CD63: variants seen among roughly 807,000 people sequenced by gnomAD.
The protein encoded by CD63 is CD63 molecule.
CD63 carries 16 observed loss-of-function variants against 29.2 expected under a neutral mutation model. That is an observed-to-expected ratio of 0.55 (90% CI 0.37 to 0.83). CD63 has a LOEUF of 0.83. Among genes scored for constraint, CD63 ranks in the 40% least tolerant of loss-of-function variants. The pLI is 0.00. For synonymous variants in CD63, 118 were observed against 111.7 expected, an observed-to-expected ratio of 1.06 and a Z score of -0.36; for missense variants, 251 against 297.3, an observed-to-expected ratio of 0.84 and a Z score of 1.15.
chr12:55,726,048 C>T (rs1215046258), intron 6 of CD63, 73 bp downstream of exon 6: 2 of 1,567,732 alleles, frequency 1.3e-6, no homozygotes, highest in Non-Finnish European at 1.8e-6. Context: ...CCCTGTCCAC[C>T]TCCATCCTGG....
rs375556759 is a variant in CD63 at position 55,726,264 on chromosome 12, G to A, written c.427-3C>T. 3.7e-6 allele frequency: 6 copies of A among 1,612,732 alleles called. No individual in the cohort carries two copies. The highest frequency in any genetic ancestry group is 1.7e-4 in the Middle Eastern group (1 of 6,044). ...TTAGCAGCCCCACAGCACTTAAACT[G>A]GGGGAGGGAAGAAATATGGAGAAGA... On this transcript the variant is annotated splice_region_variant and splice_polypyrimidine_tract_variant and intron_variant, in intron 5 of 7. Coordinates refer to ENST00000257857, the MANE Select transcript of CD63 (RefSeq NM_001780.6).
downstream of CD63, chr12:55,723,595 T>C (rs1877028849): frequency 2.4e-6 from 1 of 416,264 alleles, no homozygotes; most frequent in Non-Finnish European, 4.5e-6. Flanking sequence ...GTTATATAAG[T>C]ACCTGATAAT....
At position 55,728,009 on chromosome 12, in the gene CD63, T is replaced by A; in HGVS notation, c.66+267A>T. On this transcript the variant is annotated intron_variant, in intron 2 of 7. Coordinates refer to ENST00000257857, the MANE Select transcript of CD63 (RefSeq NM_001780.6). This position sits in a 1 kb window ranked among gnomAD's most constrained non-coding sequence, Gnocchi z 4.8. ...TGGCTGGTTGCCCCACTGCCCCATA[T>A]CACAAGTGGTTGGGTCACCAGACAG... 1.0e-6 allele frequency: 1 copy of A among 977,094 alleles called. No individual in the cohort carries two copies. Among genetic ancestry groups the A allele is most frequent in the African/African-American group, 1.7e-5 (1 of 59,424 alleles). The allele number at this position is 977,094 out of a possible 1,614,324, so 60.5% of individuals were successfully genotyped here. A position where few individuals can be genotyped will look rare whatever the true frequency, so the allele number is the denominator to read the frequency against.
downstream of CD63, chr12:55,724,490 TG>T: frequency 6.2e-7 from 1 of 1,613,666 alleles, no homozygotes; most frequent in Non-Finnish European, 8.5e-7. Flanking sequence ...CCAGCCAGCC[TG>T]GTGGATGCTG....
chr12:55,725,176 C>T, downstream of CD63: 1 of 296,788 alleles, frequency 3.4e-6, no homozygotes, highest in Non-Finnish European at 6.5e-6. Flanking sequence ...GGGGGCTGGG[C>T]TCTCGCAGGT....
At chr12:55,723,845 T>C (rs765374835), downstream of CD63, 8 of 1,608,958 alleles carry the variant, frequency 5.0e-6, no homozygotes, top group East Asian at 2.2e-5. Context: ...CCCCTCCCTA[T>C]AGGGCAAGAA....
At chr12:55,729,235 C>T, upstream of CD63, 1 of 782,468 alleles carries the variant, frequency 1.3e-6, no homozygotes, top group African/African-American at 1.9e-5. Context: ...GGGAAAGCCG[C>T]AAGGGCAAGA....
At chr12:55,725,969 C>T in intron 6 of CD63, 73 bp from the exon 7 acceptor site, 3 of 1,367,706 alleles carry the variant, frequency 2.2e-6, no homozygotes, top group South Asian at 2.4e-5. Context: ...CTTGGTCCAT[C>T]AGTCTCTTCC....
downstream of CD63, chr12:55,724,703 GA>G (rs1877124106): frequency 2.6e-6 from 2 of 763,988 alleles, no homozygotes; most frequent in African/African-American, 3.4e-5. Context: ...GTGCCCAGTG[GA>G]AGGCTGACCC....
intron 5 of CD63, 38 bp downstream of exon 5, chr12:55,726,662 C>T: frequency 6.6e-7 from 1 of 1,503,994 alleles, no homozygotes; most frequent in Non-Finnish European, 9.3e-7. Flanking sequence ...TGAGAATTCT[C>T]TATTCCCACC....
At chr12:55,724,236 G>A, downstream of CD63, 4 of 1,528,448 alleles carry the variant, frequency 2.6e-6, no homozygotes, top group Non-Finnish European at 3.6e-6. Context: ...GACTGAGGGT[G>A]ACAAGCCCAG....
At chr12:55,726,330 A>AATT in intron 5 of CD63, 69 bp from the exon 6 acceptor site, 2 of 654,466 alleles carry the variant, frequency 3.1e-6, no homozygotes, top group Non-Finnish European at 5.0e-6. Flanking sequence ...TGGAGATGAG[A>AATT]ATTCTTTTTT....
At chr12:55,727,985 G>A in intron 2 of CD63, 1 of 1,177,054 alleles carries the variant, frequency 8.5e-7, no homozygotes, top group Non-Finnish European at 1.1e-6. Context: ...TCAGGCGGTT[G>A]GCTGGTTGCC....
chr12:55,727,594 A>C, intron 2 of CD63: 68 of 1,265,752 alleles, frequency 5.4e-5, no homozygotes, highest in East Asian at 2.3e-4. Flanking sequence ...CCTTGACCTC[A>C]AGACACGTAT....
At chr12:55,724,257 G>C, downstream of CD63, 1 of 1,584,884 alleles carries the variant, frequency 6.3e-7, no homozygotes, top group Non-Finnish European at 8.7e-7. Context: ...GGCCCCAGAA[G>C]ACAGTACCTA....
chr12:55,727,138 GCCCCCAACTCA>G lies in CD63; in HGVS notation c.255+2_255+12del. On this transcript the variant is annotated splice_donor_variant and splice_donor_5th_base_variant and intron_variant, in intron 3 of 7. Coordinates refer to ENST00000257857, the MANE Select transcript of CD63 (RefSeq NM_001780.6). LOFTEE classifies it high-confidence loss of function. ...GTCCCAGACCGCCCATGTTGGTCCC[GCCCCCAACTCA>G]CCGTGATCATAAGACAATAGTTCTC... The G allele has an allele frequency of 6.2e-7, 1 of 1,604,630 alleles. No individual in the cohort carries two copies. The highest frequency in any genetic ancestry group is 8.5e-7 in the Non-Finnish European group (1 of 1,174,388).
chr12:55,727,240 C>T lies in CD63; in HGVS notation c.166G>A (p.Val56Ile), dbSNP rs1319568372. The T allele has an allele frequency of 6.2e-7, 1 of 1,613,928 alleles. No individual in the cohort carries two copies. Among genetic ancestry groups the T allele is most frequent in the Non-Finnish European group, 8.5e-7 (1 of 1,180,018 alleles). The stretch of plus-strand genomic sequence containing the variant: ...AGGAAGACACCCACTGCGATGATGA[C>T]CACTGGCAACAGAGAGCCAGGGGTA... ...GATPGSLLPVVIIAVGVFLFL... is the reference protein window; with the variant it reads ...GATPGSLLPVIIIAVGVFLFL... The change falls in exon 3 of 8, where the codon GTC (valine) becomes ATC (isoleucine). Residue 56 changes from valine to isoleucine, a missense_variant. By Grantham distance (29) the Val-to-Ile change is conservative. Coordinates refer to ENST00000257857, the MANE Select transcript of CD63 (RefSeq NM_001780.6).
chr12:55,724,933 A>G (rs141649028), downstream of CD63, among the ~76,000 whole-genome samples: 1,299 of 152,264 alleles, frequency 8.5e-3, 8 homozygotes, highest in Middle Eastern at 0.01. Context: ...AATGGTCTTC[A>G]TATTTCTTGG....
chr12:55,724,805 C>G (rs936290248), downstream of CD63: 22 of 552,572 alleles, frequency 4.0e-5, no homozygotes, highest in Non-Finnish European at 7.2e-5. Flanking sequence ...AGTGGGGCGC[C>G]AGGGAACTGC....
Sources: gnomAD v4.1 joint callset for allele counts (sites outside exome capture counted in the v4.1 genomes callset) on GRCh38, gnomAD v4.1.1 for gene constraint, Gnocchi (gnomAD v3.1) non-coding constraint, MANE v1.5 for transcripts, NCBI Gene and HGNC (gene_info 2026-07-23, HGNC 2026-07-21) for gene names.